The following LYPD6B variants were observed in gnomAD, a reference collection of about 807,000 sequenced individuals.
LYPD6B encodes the protein LY6/PLAUR domain containing 6B, also known as ly6/PLAUR domain-containing protein 6B.
LYPD6B carries 17 observed loss-of-function variants against 22.8 expected under a neutral mutation model. The ratio of observed to expected loss-of-function variants is 0.75; its 90% confidence interval spans 0.51 to 1.12. LYPD6B has a LOEUF of 1.12. Ranked by LOEUF, LYPD6B falls within the 50% of genes most tolerant of loss-of-function variation. The pLI is 0.00. For synonymous variants in LYPD6B, 106 were observed against 91.6 expected (o/e 1.16, Z -0.90); for missense variants, 221 against 258.3 (o/e 0.86, Z 0.99).
chr2:149,194,315 GCC>G (rs1692670237), intron 3 of LYPD6B, among the ~76,000 whole-genome samples: 1 of 152,134 alleles, frequency 6.6e-6, no homozygotes, highest in South Asian at 2.1e-4. Context: ...GCTAAAACAA[GCC>G]ATAATGCTTT....
At chr2:149,122,582 A>T (rs557676010) in intron 1 of LYPD6B, among the ~76,000 whole-genome samples, 1 of 14,074 alleles carries the variant, frequency 7.1e-5, no homozygotes, top group Non-Finnish European at 1.4e-4. Context: ...CCCCCACCCC[A>T]TGACAGGCCC....
intron 1 of LYPD6B, among the ~76,000 whole-genome samples, chr2:149,129,466 G>GA (rs1687895624): frequency 6.6e-6 from 1 of 152,188 alleles, no homozygotes; most frequent in Admixed American, 6.5e-5. Context: ...CTCTCTATCT[G>GA]AAAATCTCAT....
intron 1 of LYPD6B, among the ~76,000 whole-genome samples, chr2:149,097,887 C>T (rs891616295): frequency 8.6e-5 from 13 of 152,006 alleles, no homozygotes; most frequent in Non-Finnish European, 1.8e-4. Flanking sequence ...GTATTTTTGT[C>T]ATTCCATCAT....
At chr2:149,191,249 C>T (rs867290440) in intron 3 of LYPD6B, among the ~76,000 whole-genome samples, 3 of 151,872 alleles carry the variant, frequency 2.0e-5, no homozygotes, top group African/African-American at 4.8e-5. Context: ...TAGAATATAT[C>T]CTCTAAACAA....
intron 1 of LYPD6B, among the ~76,000 whole-genome samples, chr2:149,053,819 C>T (rs1683670639): frequency 6.6e-6 from 1 of 152,184 alleles, no homozygotes; most frequent in Admixed American, 6.5e-5. Flanking sequence ...CTGGACATTT[C>T]ATATAGATAG....
chr2:149,144,306 G>A (rs954202715), intron 2 of LYPD6B, among the ~76,000 whole-genome samples: 1 of 113,900 alleles, frequency 8.8e-6, no homozygotes, highest in African/African-American at 2.8e-5. Flanking sequence ...GGGGTCTTTG[G>A]GCACTGACTT....
intron 3 of LYPD6B, among the ~76,000 whole-genome samples, chr2:149,195,121 T>C (rs189021614): frequency 2.1e-3 from 317 of 147,790 alleles, no homozygotes; most frequent in African/African-American, 8.2e-3. Context: ...TGAAAAGTCA[T>C]TTTTTTAAAA....
At position 149,192,766 on chromosome 2, in the gene LYPD6B, T is replaced by A. The variant is rs550995542; in HGVS notation, c.78-12487T>A. ...AGCCCTCTTAGCCCTCAAGTTGGAA[T>A]AACTGCCCACTGCCCAAATGCAGAC... On this transcript the variant is annotated intron_variant, in intron 3 of 6. Coordinates refer to ENST00000409642, the MANE Select transcript of LYPD6B (RefSeq NM_177964.5). Among the ~76,000 whole-genome samples, 6 of 152,294 alleles carry A rather than the reference T, an allele frequency of 3.9e-5. No individual in the cohort carries two copies. In the East Asian group the frequency reaches 1.2e-3, roughly 29 times the overall value.
chr2:149,124,808 G>T (rs1687595859), intron 1 of LYPD6B, among the ~76,000 whole-genome samples: 1 of 152,094 alleles, frequency 6.6e-6, no homozygotes. Context: ...GGTTCCAATT[G>T]CAGTGTTGCT....
intron 1 of LYPD6B, among the ~76,000 whole-genome samples, chr2:149,074,079 G>A (rs1684769957): frequency 6.6e-6 from 1 of 152,146 alleles, no homozygotes; most frequent in African/African-American, 2.4e-5. Context: ...TGCTTTCAGA[G>A]GATCTTATAG....
At position 149,139,703 on chromosome 2, in the gene LYPD6B, G is replaced by A. The variant is rs138718798; in HGVS notation, c.5+8750G>A. Reference sequence around the variant, plus strand: ...AACAAATATCTTATTCAAATTTGCCGTGTTTCAAGATCAAGGGGGCCATGA... The same window carrying A: ...AACAAATATCTTATTCAAATTTGCCATGTTTCAAGATCAAGGGGGCCATGA... On this transcript the variant is annotated intron_variant, in intron 2 of 6. Coordinates refer to ENST00000409642, the MANE Select transcript of LYPD6B (RefSeq NM_177964.5). 3.5e-3 allele frequency among the ~76,000 whole-genome samples: 536 copies of A among 152,262 alleles called. 2 individuals are homozygous for A. Among genetic ancestry groups the A allele is most frequent in the African/African-American group, 9.5e-3 (395 of 41,558 alleles).
At chr2:149,174,808 G>A (rs1430411032) in intron 3 of LYPD6B, among the ~76,000 whole-genome samples, 1 of 151,764 alleles carries the variant, frequency 6.6e-6, no homozygotes, top group East Asian at 1.9e-4. Flanking sequence ...GGAGGAGGGA[G>A]AGAATCAGGA....
rs1478125803 is a variant in LYPD6B, at chr2:149,076,946, G to A, written c.-67+38145G>A. The stretch of plus-strand genomic sequence containing the variant: ...GTGCTGGGGTTAGAGTTGGTTCTGT[G>A]GGGAGGAGGAGGAAACTCTTAGTAG... On this transcript the variant is annotated intron_variant, in intron 1 of 6. Coordinates refer to ENST00000409642, the MANE Select transcript of LYPD6B (RefSeq NM_177964.5). Among the ~76,000 whole-genome samples the A allele has an allele frequency of 2.0e-5, 3 of 152,260 alleles. No individual in the cohort carries two copies. In the East Asian group the frequency reaches 5.8e-4, roughly 29 times the overall value.
chr2:149,138,958 A>G lies in LYPD6B; in HGVS notation c.5+8005A>G, dbSNP rs190777334. On this transcript the variant is annotated intron_variant, in intron 2 of 6. Coordinates refer to ENST00000409642, the MANE Select transcript of LYPD6B (RefSeq NM_177964.5). ...TAATGTTCTCTTCTGTCTTATGCAC[A>G]TGAAAACTACGTGAACTGGTATATT... 1.8e-4 allele frequency among the ~76,000 whole-genome samples: 27 copies of G among 152,382 alleles called. 1 individual carries two copies. The East Asian group carries it at 3.7e-3, about 21-fold the overall frequency.
chr2:149,147,645 C>T (rs1285363876), intron 2 of LYPD6B, among the ~76,000 whole-genome samples: 4 of 152,112 alleles, frequency 2.6e-5, no homozygotes, highest in Non-Finnish European at 4.4e-5. Context: ...TCTGGAGTAG[C>T]TGGGATTACA....
At chr2:149,162,350 G>A (rs1559043041) in intron 3 of LYPD6B, among the ~76,000 whole-genome samples, 2 of 152,236 alleles carry the variant, frequency 1.3e-5, no homozygotes, top group East Asian at 1.9e-4. Context: ...TTTTATAGTT[G>A]AGGAAACTGA....
intron 3 of LYPD6B, among the ~76,000 whole-genome samples, chr2:149,191,745 AT>A (rs1167577719): frequency 6.6e-6 from 1 of 152,262 alleles, no homozygotes; most frequent in Non-Finnish European, 1.5e-5. Context: ...CAATAGAGAA[AT>A]GGGAGTCAAA....
chr2:149,106,291 G>A (rs1339954703), intron 1 of LYPD6B, among the ~76,000 whole-genome samples: 2 of 152,032 alleles, frequency 1.3e-5, no homozygotes, highest in African/African-American at 4.8e-5. Flanking sequence ...TTAGAGTAGT[G>A]CTGATTTCAT....
chr2:149,182,695 A>G (rs1342224898), intron 3 of LYPD6B, among the ~76,000 whole-genome samples: 2 of 152,202 alleles, frequency 1.3e-5, no homozygotes, highest in Admixed American at 1.3e-4. Context: ...CAACAAGGAG[A>G]AAGTCCCCTT....
Sources: allele counts gnomAD v4.1 joint callset (sites outside exome capture counted in the v4.1 genomes callset), GRCh38; gene constraint gnomAD v4.1.1; transcripts MANE v1.5; gene names NCBI Gene and HGNC (gene_info 2026-07-23, HGNC 2026-07-21).